Variants in OR1E2 observed in about 807,000 individuals in gnomAD.
OR1E2 encodes the protein olfactory receptor 1E2.
Under a neutral mutation model 5.6 loss-of-function variants are expected in OR1E2, and 6 were observed. That is an observed-to-expected ratio of 1.08 (90% CI 0.59 to 2.12). The LOEUF (loss-of-function observed/expected upper bound fraction) is 2.12. Ranked by LOEUF, OR1E2 falls within the 30% of genes most tolerant of loss-of-function variation. The probability of loss-of-function intolerance (pLI) is 0.00; values close to 1 mark genes in which losing one functional copy is unlikely to be tolerated. For synonymous variants in OR1E2, 135 were observed against 157.4 expected (o/e 0.86, Z 1.06); for missense variants, 344 against 391.4 (o/e 0.88, Z 1.02).
chr17:3,433,524 A>G lies in OR1E2; in HGVS notation c.318T>C (p.Tyr106=). Residue 106 remains tyrosine (Y), a synonymous_variant, in exon 1 of 1, where the codon TAT becomes TAC. Transcript: ENST00000248384. ...DCLTQMYFFL[Y]FSDLESFLLV... is the part of the protein sequence containing the mutation. ...GGAGGAAGCTCTCTAGATCCGAAAA[A>G]TACAAGAAGAAGTACATTTGGGTCA... is the stretch of plus-strand genomic sequence containing the variant. 1 of 1,614,188 alleles carries G rather than the reference A, an allele frequency of 6.2e-7. No individual in the cohort carries two copies. The highest frequency in any genetic ancestry group is 8.5e-7 in the Non-Finnish European group (1 of 1,180,042).
At position 3,433,663 on chromosome 17, in the gene OR1E2, T is replaced by C; in HGVS notation, c.179A>G (p.Tyr60Cys). The change falls in exon 1 of 1, where the codon TAT (tyrosine) becomes TGT (cysteine). Residue 60 changes from tyrosine (Y) to cysteine (C), a missense_variant. Transcript: ENST00000248384. ...GAAGGACAAGTTGCTGAGAAACAAA[T>C]ACACAGGCGTGTGGAGATGGGAGTC... ...RLDSHLHTPV[Y>C]LFLSNLSFSD... is the part of the protein sequence containing the mutation. 6.2e-7 allele frequency: 1 copy of C among 1,614,128 alleles called. No homozygotes were observed. Among genetic ancestry groups the C allele is most frequent in the South Asian group, 1.1e-5 (1 of 91,082 alleles).
In OR1E2 at chr17:3,433,025, C is replaced by A. The variant is rs2072509056; in HGVS notation, c.817G>T (p.Ala273Ser). 5.6e-6 allele frequency: 9 copies of A among 1,613,886 alleles called. No individual in the cohort carries two copies. The highest frequency in any genetic ancestry group is 7.6e-6 in the Non-Finnish European group (9 of 1,179,968). The change falls in exon 1 of 1, where the codon GCT becomes TCT. Residue 273 changes from alanine to serine, a missense_variant. By Grantham distance (99) the Ala-to-Ser change is moderately conservative. Transcript: ENST00000248384. ...TVIGLYLCPSANSSTLKDTVM... is the reference protein window; with the variant it reads ...TVIGLYLCPSSNSSTLKDTVM... Reference sequence around the variant, plus strand: ...GTGTCCTTTAGAGTAGAACTATTAGCTGATGGGCATAAGTAGAGACCAATA... The same window carrying A: ...GTGTCCTTTAGAGTAGAACTATTAGATGATGGGCATAAGTAGAGACCAATA...
Position 3,432,992 on chromosome 17 carries a change from C to T in OR1E2, c.850G>A (p.Ala284Thr), listed in dbSNP as rs768293473. The change falls in exon 1 of 1, where the codon GCT (alanine) becomes ACT (threonine). Residue 284 changes from alanine (A) to threonine (T), a missense_variant. Coordinates refer to ENST00000248384, the MANE Select transcript of OR1E2 (RefSeq NM_003554.2). ...NSSTLKDTVM[A>T]MMYTVVTPML... ...GGGGTCACCACAGTGTACATCATAGCCATGACAGTGTCCTTTAGAGTAGAA... is the reference window on the plus strand; with the variant it reads ...GGGGTCACCACAGTGTACATCATAGTCATGACAGTGTCCTTTAGAGTAGAA... 5.0e-6 allele frequency: 8 copies of T among 1,613,824 alleles called. No individual in the cohort carries two copies. The Admixed American group carries it at 1.2e-4, about 24-fold the overall frequency.
At position 3,432,907 on chromosome 17, in the gene OR1E2, C is replaced by T. The variant is rs368190394; in HGVS notation, c.935G>A (p.Arg312Lys). ...RNRDMKGALE[R>K]VICKRKNPFL... Reference sequence around the variant, plus strand: ...GGGATTTTTCCTTTTACAAATGACCCTTTCCAGGGCTCCCTTCATGTCTCT... The same window carrying T: ...GGGATTTTTCCTTTTACAAATGACCTTTTCCAGGGCTCCCTTCATGTCTCT... The change falls in exon 1 of 1, where the codon AGG becomes AAG. Residue 312 changes from arginine to lysine, a missense_variant. Physicochemically the swap from Arg to Lys is conservative, Grantham distance 26. Transcript: ENST00000248384. 5 of 1,612,380 alleles carry T rather than the reference C, an allele frequency of 3.1e-6. No homozygotes were observed. In the Admixed American group the frequency reaches 8.4e-5, roughly 27 times the overall value.
chr17:3,433,696 A>C lies in OR1E2; in HGVS notation c.146T>G (p.Ile49Ser). ...CGTGTGGAGATGGGAGTCCAGTCGAATGAGGACAATGATGAGGAGGTTCCC... is the reference window on the plus strand; with the variant it reads ...CGTGTGGAGATGGGAGTCCAGTCGACTGAGGACAATGATGAGGAGGTTCCC... ...LLGNLLIIVLIRLDSHLHTPV... is the reference protein window; with the variant it reads ...LLGNLLIIVLSRLDSHLHTPV... Residue 49 changes from isoleucine to serine, a missense_variant, in exon 1 of 1, where the codon ATT becomes AGT. Coordinates refer to ENST00000248384, the MANE Select transcript of OR1E2 (RefSeq NM_003554.2). 1.2e-6 allele frequency: 2 copies of C among 1,614,158 alleles called. No homozygotes were observed. The highest frequency in any genetic ancestry group is 8.5e-7 in the Non-Finnish European group (1 of 1,180,018).
rs772458857 is a variant in OR1E2 at position 3,433,588 on chromosome 17, A to G, written c.254T>C (p.Met85Thr). Residue 85 changes from methionine to threonine, a missense_variant, in exon 1 of 1, where the codon ATG (methionine) becomes ACG (threonine). By Grantham distance (81) the Met-to-Thr change is moderately conservative. Transcript: ENST00000248384. The part of the protein sequence containing the change: ...SVTMPKLLQN[M>T]QNQDPSIPYA... ...GGGGATGGATGGGTCTTGGTTCTGC[A>G]TGTTCTGCAGCAATTTGGGCATTGT... 6.2e-7 allele frequency: 1 copy of G among 1,614,238 alleles called. No individual in the cohort carries two copies. Among genetic ancestry groups the G allele is most frequent in the Non-Finnish European group, 8.5e-7 (1 of 1,180,044 alleles).
Position 3,433,675 on chromosome 17 carries a change from T to C in OR1E2, c.167A>G (p.His56Arg). Reference sequence around the variant, plus strand: ...GCTGAGAAACAAATACACAGGCGTGTGGAGATGGGAGTCCAGTCGAATGAG... The same window carrying C: ...GCTGAGAAACAAATACACAGGCGTGCGGAGATGGGAGTCCAGTCGAATGAG... ...IVLIRLDSHL[H>R]TPVYLFLSNL... The change falls in exon 1 of 1, where the codon CAC becomes CGC. Residue 56 changes from histidine (H) to arginine (R), a missense_variant. Physicochemically the swap from His to Arg is conservative, Grantham distance 29 (BLOSUM62 0). Coordinates refer to ENST00000248384, the MANE Select transcript of OR1E2 (RefSeq NM_003554.2). 2 of 1,614,026 alleles carry C rather than the reference T, an allele frequency of 1.2e-6. No homozygotes were observed. The highest frequency in any genetic ancestry group is 1.1e-5 in the South Asian group (1 of 91,076).
Position 3,433,417 on chromosome 17 carries a change from G to T in OR1E2, c.425C>A (p.Thr142Asn). Residue 142 changes from threonine (T) to asparagine (N), a missense_variant, in exon 1 of 1, where the codon ACC becomes AAC. Physicochemically the swap from Thr to Asn is moderately conservative, Grantham distance 65 (BLOSUM62 0). Transcript: ENST00000248384. ...ACAGAGCATGGGGCTCATGATGGCG[G>T]TGTAGTGCAGGAGGAAGCAGATGGC... ...YTAICFLLHY[T>N]AIMSPMLCLS... 1 of 1,610,218 alleles carries T rather than the reference G, an allele frequency of 6.2e-7. No individual in the cohort carries two copies. Among genetic ancestry groups the T allele is most frequent in the East Asian group, 2.2e-5 (1 of 44,868 alleles).
Position 3,433,564 on chromosome 17 carries a change from G to A in OR1E2, c.278C>T (p.Pro93Leu), listed in dbSNP as rs1179948007. The A allele has an allele frequency of 1.2e-6, 2 of 1,614,200 alleles. No homozygotes were observed. Among genetic ancestry groups the A allele is most frequent in the South Asian group, 2.2e-5 (2 of 91,082 alleles). ...CATTTGGGTCAGGCAGTCTGCATAG[G>A]GGATGGATGGGTCTTGGTTCTGCAT... The part of the protein sequence containing the change: ...QNMQNQDPSI[P>L]YADCLTQMYF... The change falls in exon 1 of 1, where the codon CCC becomes CTC. Residue 93 changes from proline (P) to leucine (L), a missense_variant. Transcript: ENST00000248384.
chr17:3,433,107 C>T lies in OR1E2; in HGVS notation c.735G>A (p.Lys245=). The change falls in exon 1 of 1, where the codon AAG becomes AAA. Residue 245 remains lysine, a synonymous_variant. Transcript: ENST00000248384. ...LKVPSSKGIC[K]AFSTCGSHLS... is the part of the protein sequence containing the mutation. ...GGTGGGAGCCACAAGTAGAGAAGGC[C>T]TTGCAGATACCCTTAGAAGAAGGGA... The T allele has an allele frequency of 1.3e-6, 2 of 1,595,724 alleles. No individual in the cohort carries two copies.
chr17:3,433,672 G>A lies in OR1E2; in HGVS notation c.170C>T (p.Thr57Met), dbSNP rs371695952. The A allele has an allele frequency of 1.8e-5, 29 of 1,614,066 alleles. No individual in the cohort carries two copies. The highest frequency in any genetic ancestry group is 1.6e-4 in the Middle Eastern group (1 of 6,084). Residue 57 changes from threonine (T) to methionine (M), a missense_variant, in exon 1 of 1, where the codon ACG (threonine) becomes ATG (methionine). By Grantham distance (81) the Thr-to-Met change is moderately conservative. Coordinates refer to ENST00000248384, the MANE Select transcript of OR1E2 (RefSeq NM_003554.2). ...GTTGCTGAGAAACAAATACACAGGC[G>A]TGTGGAGATGGGAGTCCAGTCGAAT... ...VLIRLDSHLHTPVYLFLSNLS... is the reference protein window; with the variant it reads ...VLIRLDSHLHMPVYLFLSNLS...
chr17:3,433,169 C>T lies in OR1E2; in HGVS notation c.673G>A (p.Gly225Arg), dbSNP rs778320883. ...GAGGAGACAATTCTTGCATAGGACC[C>T]AAGGATGAGTAGGAATGGGATGACA... ...ILVIPFLLILGSYARIVSSIL... is the reference protein window; with the variant it reads ...ILVIPFLLILRSYARIVSSIL... The change falls in exon 1 of 1, where the codon GGG becomes AGG. Residue 225 changes from glycine to arginine, a missense_variant. Coordinates refer to ENST00000248384, the MANE Select transcript of OR1E2 (RefSeq NM_003554.2). The T allele has an allele frequency of 7.4e-6, 12 of 1,613,686 alleles. No homozygotes were observed. Among genetic ancestry groups the T allele is most frequent in the Non-Finnish European group, 1.0e-5 (12 of 1,179,862 alleles).
At position 3,433,118 on chromosome 17, in the gene OR1E2, C is replaced by T. The variant is rs1168095461; in HGVS notation, c.724G>A (p.Gly242Ser). The T allele has an allele frequency of 6.2e-7, 1 of 1,613,112 alleles. No homozygotes were observed. Among genetic ancestry groups the T allele is most frequent in the African/African-American group, 1.3e-5 (1 of 74,334 alleles). The change falls in exon 1 of 1, where the codon GGT becomes AGT. Residue 242 changes from glycine to serine, a missense_variant. By Grantham distance (56) the Gly-to-Ser change is moderately conservative. Coordinates refer to ENST00000248384, the MANE Select transcript of OR1E2 (RefSeq NM_003554.2). The part of the protein sequence containing the change: ...SSILKVPSSK[G>S]ICKAFSTCGS... ...CAAGTAGAGAAGGCCTTGCAGATACCCTTAGAAGAAGGGACCTTGAGGATG... is the reference window on the plus strand; with the variant it reads ...CAAGTAGAGAAGGCCTTGCAGATACTCTTAGAAGAAGGGACCTTGAGGATG...
At position 3,433,135 on chromosome 17, in the gene OR1E2, T is replaced by C; in HGVS notation, c.707A>G (p.Lys236Arg). 6.2e-7 allele frequency: 1 copy of C among 1,613,820 alleles called. No homozygotes were observed. Among genetic ancestry groups the C allele is most frequent in the Non-Finnish European group, 8.5e-7 (1 of 1,179,838 alleles). Residue 236 changes from lysine to arginine, a missense_variant, in exon 1 of 1, where the codon AAG becomes AGG. Physicochemically the swap from Lys to Arg is conservative, Grantham distance 26 (BLOSUM62 2). Coordinates refer to ENST00000248384, the MANE Select transcript of OR1E2 (RefSeq NM_003554.2). ...GCAGATACCCTTAGAAGAAGGGACC[T>C]TGAGGATGGAGGAGACAATTCTTGC... is the stretch of plus-strand genomic sequence containing the variant. The part of the protein sequence containing the change: ...SYARIVSSIL[K>R]VPSSKGICKA...
chr17:3,433,757 C>T lies in OR1E2; in HGVS notation c.85G>A (p.Ala29Thr). ...IQPEQQNLCY[A>T]LFLAMYLTTL... ...GTAAGATACATGGCCAAGAACAGGG[C>T]ATAGCACAGGTTTTGCTGCTCTGGT... The change falls in exon 1 of 1, where the codon GCC (alanine) becomes ACC (threonine). Residue 29 changes from alanine (A) to threonine (T), a missense_variant. Ala to Thr is a moderately conservative substitution (Grantham distance 58). Transcript: ENST00000248384. The T allele has an allele frequency of 6.2e-7, 1 of 1,614,062 alleles. No homozygotes were observed. Among genetic ancestry groups the T allele is most frequent in the South Asian group, 1.1e-5 (1 of 91,076 alleles).
At position 3,433,775 on chromosome 17, in the gene OR1E2, G is replaced by T; in HGVS notation, c.67C>A (p.Gln23Lys). ...AACAGGGCATAGCACAGGTTTTGCT[G>T]CTCTGGTTGGATGGGCAGGCCCAGG... ...LLLGLPIQPE[Q>K]QNLCYALFLA... The change falls in exon 1 of 1, where the codon CAG becomes AAG. Residue 23 changes from glutamine (Q) to lysine (K), a missense_variant. Gln to Lys is a moderately conservative substitution (Grantham distance 53). Coordinates refer to ENST00000248384, the MANE Select transcript of OR1E2 (RefSeq NM_003554.2). The T allele has an allele frequency of 2.5e-6, 4 of 1,613,866 alleles. No individual in the cohort carries two copies. Among genetic ancestry groups the T allele is most frequent in the Non-Finnish European group, 3.4e-6 (4 of 1,179,752 alleles).
rs1416564181 is a variant in OR1E2, at chr17:3,433,803, C to A, written c.39G>T (p.Leu13=). ...CTGGTTGGATGGGCAGGCCCAGGAG[C>A]AGGAAGTCTGAGATGCTGGTTTGAT... is the stretch of plus-strand genomic sequence containing the variant. ...GQNQTSISDF[L]LLGLPIQPEQ... Residue 13 remains leucine (L), a synonymous_variant, in exon 1 of 1, where the codon CTG becomes CTT. Transcript: ENST00000248384. The A allele has an allele frequency of 6.2e-7, 1 of 1,612,032 alleles. No individual in the cohort carries two copies. Among genetic ancestry groups the A allele is most frequent in the South Asian group, 1.1e-5 (1 of 91,012 alleles).
In OR1E2 at chr17:3,433,612, G is replaced by T. The variant is rs558669597; in HGVS notation, c.230C>A (p.Thr77Lys). Reference protein sequence around the residue: ...SFSDLCFSSVTMPKLLQNMQN... With the variant: ...SFSDLCFSSVKMPKLLQNMQN... ...CATGTTCTGCAGCAATTTGGGCATTGTGACTGAGGAAAAGCAGAGGTCAGA... is the reference window on the plus strand; with the variant it reads ...CATGTTCTGCAGCAATTTGGGCATTTTGACTGAGGAAAAGCAGAGGTCAGA... The change falls in exon 1 of 1, where the codon ACA (threonine) becomes AAA (lysine). Residue 77 changes from threonine to lysine, a missense_variant. Transcript: ENST00000248384. The T allele has an allele frequency of 1.9e-6, 3 of 1,614,250 alleles. No homozygotes were observed. In the African/African-American group the frequency reaches 4.0e-5, roughly 22 times the overall value.
chr17:3,433,430 G>T lies in OR1E2; in HGVS notation c.412C>A (p.Leu138Ile). ...FPMHYTAICF[L>I]LHYTAIMSPM... is the part of the protein sequence containing the mutation. ...CTCATGATGGCGGTGTAGTGCAGGAGGAAGCAGATGGCGGTGTAGTGCATG... is the reference window on the plus strand; with the variant it reads ...CTCATGATGGCGGTGTAGTGCAGGATGAAGCAGATGGCGGTGTAGTGCATG... The change falls in exon 1 of 1, where the codon CTC becomes ATC. Residue 138 changes from leucine to isoleucine, a missense_variant. Leu to Ile is a conservative substitution (Grantham distance 5). Coordinates refer to ENST00000248384, the MANE Select transcript of OR1E2 (RefSeq NM_003554.2). The T allele has an allele frequency of 6.2e-7, 1 of 1,609,956 alleles. No individual in the cohort carries two copies. The highest frequency in any genetic ancestry group is 8.5e-7 in the Non-Finnish European group (1 of 1,179,714).
Sources: allele counts gnomAD v4.1 joint callset, GRCh38; gene constraint gnomAD v4.1.1; transcripts MANE v1.5; gene names NCBI Gene and HGNC (gene_info 2026-07-23, HGNC 2026-07-21).